The following CPLANE1 variants were observed in gnomAD, a reference collection of about 807,000 sequenced individuals.
The protein encoded by CPLANE1 is ciliogenesis and planar polarity effector complex subunit 1.
CPLANE1 carries 263 observed loss-of-function variants against 362.5 expected under a neutral mutation model. The ratio of observed to expected loss-of-function variants is 0.73; its 90% CI spans 0.66 to 0.80. The LOEUF (loss-of-function observed/expected upper bound fraction) is 0.80, where lower values mean the gene tolerates loss of function less well. Ranked by LOEUF, CPLANE1 falls within the 30% of genes least tolerant of loss-of-function variation. The pLI, the probability that CPLANE1 is intolerant of heterozygous loss-of-function variation, is 0.00. For missense variants in CPLANE1, 3,461 were observed against 3,793.4 expected (o/e 0.91, Z 2.30); for synonymous variants, 1,212 against 1,302.6 (o/e 0.93, Z 1.50).
At chr5:37,216,720 T>C (rs1458837808) in intron 15 of CPLANE1, among the ~76,000 whole-genome samples, 3 of 152,164 alleles carry the variant, frequency 2.0e-5, no homozygotes, top group African/African-American at 7.2e-5. Flanking sequence ...ATTCACAAAT[T>C]TGAAAATAAA....
At chr5:37,129,243 C>A (rs1323691630) in intron 46 of CPLANE1, among the ~76,000 whole-genome samples, 6 of 152,172 alleles carry the variant, frequency 3.9e-5, no homozygotes, top group African/African-American at 1.4e-4. Context: ...TCACCTTATA[C>A]AAAAATCAAC....
chr5:37,145,649 A>G (rs1380723225), intron 43 of CPLANE1, among the ~76,000 whole-genome samples: 1 of 152,176 alleles, frequency 6.6e-6, no homozygotes, highest in Non-Finnish European at 1.5e-5. Context: ...AATAACCACT[A>G]AAAACTAAAA....
downstream of CPLANE1, among the ~76,000 whole-genome samples, chr5:37,101,370 G>C (rs982104018): frequency 6.6e-6 from 1 of 152,108 alleles, no homozygotes; most frequent in Non-Finnish European, 1.5e-5. Flanking sequence ...CATGTGGTTT[G>C]TCTTTCATTC....
chr5:37,104,180 G>C (rs1757431627), downstream of CPLANE1, among the ~76,000 whole-genome samples: 1 of 152,194 alleles, frequency 6.6e-6, no homozygotes, highest in Admixed American at 6.5e-5. Flanking sequence ...TGATTGCACA[G>C]TGAATTTCTT....
the CPLANE1 span, among the ~76,000 whole-genome samples, chr5:37,076,728 G>GTTT: frequency 6.6e-6 from 1 of 151,496 alleles, no homozygotes; most frequent in Non-Finnish European, 1.5e-5. Flanking sequence ...ATACCAATTA[G>GTTT]TTTTAAAAAC....
At chr5:37,195,528 G>A (rs539836633) in intron 21 of CPLANE1, among the ~76,000 whole-genome samples, 3 of 151,898 alleles carry the variant, frequency 2.0e-5, no homozygotes, top group South Asian at 4.2e-4. Flanking sequence ...TTCAGCCCAG[G>A]AGGTGTGTTG....
chr5:37,135,375 G>T (rs1220500470), intron 46 of CPLANE1, among the ~76,000 whole-genome samples: 1 of 152,148 alleles, frequency 6.6e-6, no homozygotes, highest in Non-Finnish European at 1.5e-5. Flanking sequence ...CCTGAGATTG[G>T]ATAATTTATA....
rs146098054 is a variant in CPLANE1, at chr5:37,170,206, G to A, written c.6297C>T (p.Asn2099=). ...CTTCAACATCACCACATCCTCTTAG[G>A]TTTGATTCTTGGCTTTCCCCTAAAT... ...SVHLGESQES[N]LRGCGDVEDS... Residue 2099 remains asparagine (N), a synonymous_variant, in exon 33 of 53, where the codon AAC becomes AAT. Transcript: ENST00000651892. 1.4e-5 allele frequency: 23 copies of A among 1,613,920 alleles called. No homozygotes were observed. The highest frequency in any genetic ancestry group is 1.9e-5 in the Non-Finnish European group (23 of 1,180,028).
Position 37,118,146 on chromosome 5 carries a change from G to T in CPLANE1, c.9310+2070C>A, listed in dbSNP as rs574444333. 3.9e-5 allele frequency among the ~76,000 whole-genome samples: 6 copies of T among 152,202 alleles called. No homozygotes were observed. The East Asian group carries it at 1.2e-3, about 29-fold the overall frequency. ...ATGATAGCTCACACCTGTAATCCCGGCACTTTGGGAGGCTGAGGTGGGTAG... is the reference window on the plus strand; with the variant it reads ...ATGATAGCTCACACCTGTAATCCCGTCACTTTGGGAGGCTGAGGTGGGTAG... On this transcript the variant is annotated intron_variant, in intron 50 of 52. Transcript: ENST00000651892.
intron 6 of CPLANE1, among the ~76,000 whole-genome samples, chr5:37,241,600 A>G (rs1800507095): frequency 6.6e-6 from 1 of 152,170 alleles, no homozygotes; most frequent in Non-Finnish European, 1.5e-5. Flanking sequence ...GTCTAGTTGT[A>G]CACTTAAGAC....
chr5:37,168,432 G>T (rs1235470614), intron 34 of CPLANE1, among the ~76,000 whole-genome samples: 1 of 151,938 alleles, frequency 6.6e-6, no homozygotes, highest in Non-Finnish European at 1.5e-5. Context: ...TCTTCCCAGA[G>T]CAGCAGAAAT....
At chr5:37,168,157 A>G (rs1441328535) in intron 34 of CPLANE1, among the ~76,000 whole-genome samples, 1 of 152,232 alleles carries the variant, frequency 6.6e-6, no homozygotes, top group East Asian at 1.9e-4. Context: ...ATCAAAAGTT[A>G]TACCTTTAAA....
chr5:37,128,363 CT>C (rs1409870925), intron 46 of CPLANE1, among the ~76,000 whole-genome samples: 1 of 152,206 alleles, frequency 6.6e-6, no homozygotes, highest in African/African-American at 2.4e-5. Flanking sequence ...CTCTAAACTA[CT>C]GAAGTAAGTC....
intron 9 of CPLANE1, among the ~76,000 whole-genome samples, chr5:37,229,409 G>A (rs1019152431): frequency 1.3e-5 from 2 of 150,758 alleles, no homozygotes; most frequent in African/African-American, 4.9e-5. Flanking sequence ...CGTGGTGGCG[G>A]GCGCCTGTAG....
intron 21 of CPLANE1, among the ~76,000 whole-genome samples, chr5:37,194,829 A>C (rs1786798451): frequency 6.6e-6 from 1 of 151,820 alleles, no homozygotes; most frequent in Admixed American, 6.6e-5. Flanking sequence ...CCCAGCTCTA[A>C]AATAAACATT....
At chr5:37,214,137 C>T (rs922741076) in intron 15 of CPLANE1, among the ~76,000 whole-genome samples, 6 of 151,826 alleles carry the variant, frequency 4.0e-5, no homozygotes, top group Admixed American at 2.6e-4. Flanking sequence ...TCATTTAGTA[C>T]CATAAAATAC....
chr5:37,084,324 C>T, the CPLANE1 span, among the ~76,000 whole-genome samples: 4 of 152,130 alleles, frequency 2.6e-5, no homozygotes, highest in Non-Finnish European at 5.9e-5. Context: ...AACAGAACCT[C>T]TTTAAAGCAT....
intron 46 of CPLANE1, among the ~76,000 whole-genome samples, chr5:37,126,935 A>C (rs1199573949): frequency 1.3e-5 from 2 of 152,192 alleles, no homozygotes; most frequent in African/African-American, 4.8e-5. Context: ...ACAAATACAA[A>C]CAATATAGTT....
chr5:37,197,538 C>A (rs1457231011), intron 20 of CPLANE1, among the ~76,000 whole-genome samples: 1 of 152,122 alleles, frequency 6.6e-6, no homozygotes, highest in Non-Finnish European at 1.5e-5. Flanking sequence ...CCGCTGCCAC[C>A]TTGATTGGCC....
Sources: allele counts gnomAD v4.1 joint callset (sites outside exome capture counted in the v4.1 genomes callset), GRCh38; gene constraint gnomAD v4.1.1; transcripts MANE v1.5; gene names NCBI Gene and HGNC (gene_info 2026-07-23, HGNC 2026-07-21).